The following ATAD1 variants were observed in gnomAD, a reference collection of about 807,000 sequenced individuals.
ATAD1 encodes the protein outer mitochondrial transmembrane helix translocase.
Under a neutral mutation model 42.7 loss-of-function variants are expected in ATAD1, and 18 were observed. The ratio of observed to expected loss-of-function variants is 0.42; its 90% CI spans 0.29 to 0.63. The LOEUF (loss-of-function observed/expected upper bound fraction) is 0.63. Among genes scored for constraint, ATAD1 ranks in the 20% least tolerant of loss-of-function variants. The probability of loss-of-function intolerance (pLI) is 0.19; values close to 1 mark genes in which losing one functional copy is unlikely to be tolerated. For synonymous variants in ATAD1, 132 were observed against 143.1 expected, an observed-to-expected ratio of 0.92 and a Z score of 0.55; for missense variants, 294 against 440.4, an observed-to-expected ratio of 0.67 and a Z score of 2.98.
chr10:87,757,362 T>C (rs1854274611), intron 8 of ATAD1, among the ~76,000 whole-genome samples: 1 of 152,124 alleles, frequency 6.6e-6, no homozygotes, highest in South Asian at 2.1e-4. Flanking sequence ...CACCTATACT[T>C]TTGCTCCTCA....
intron 7 of ATAD1, among the ~76,000 whole-genome samples, chr10:87,768,570 A>AT (rs1468980080): frequency 1.3e-5 from 2 of 152,244 alleles, no homozygotes; most frequent in East Asian, 3.8e-4. Context: ...ATCATATTAC[A>AT]TAAGAAAAAA....
intron 8 of ATAD1, among the ~76,000 whole-genome samples, chr10:87,762,275 T>C (rs1854515716): frequency 6.6e-6 from 1 of 152,198 alleles, no homozygotes; most frequent in African/African-American, 2.4e-5. Context: ...AATAACTGTA[T>C]TGGTTAACTT....
At position 87,754,787 on chromosome 10, in the gene ATAD1, C is replaced by T. The variant is rs748400385; in HGVS notation, c.986G>A (p.Arg329Gln). Reference protein sequence around the residue: ...SEESHDEDEIRPVQQQDLHRA... With the variant: ...SEESHDEDEIQPVQQQDLHRA... ...ATGCAGGTCCTGCTGTTGAACAGGC[C>T]GAATTTCATCTTCGTCATGGCTAAA... Residue 329 changes from arginine to glutamine, a missense_variant, in exon 10 of 10, where the codon CGG becomes CAG. Around this residue, in one of 3 missense-constraint regions of ATAD1, gnomAD observed 142 missense variants for 174.6 expected, o/e 0.81. Transcript: ENST00000680024. 5 of 1,612,558 alleles carry T rather than the reference C, an allele frequency of 3.1e-6. No homozygotes were observed. Among genetic ancestry groups the T allele is most frequent in the Non-Finnish European group, 2.5e-6 (3 of 1,179,144 alleles).
At chr10:87,823,091 TAA>T (rs879637993), upstream of ATAD1, among the ~76,000 whole-genome samples, 11 of 135,944 alleles carry the variant, frequency 8.1e-5, no homozygotes, top group Non-Finnish European at 8.1e-5. Context: ...AGAAGAGAAC[TAA>T]AAAAAAAAAA....
At chr10:87,780,829 G>A (rs994648706) in intron 5 of ATAD1, among the ~76,000 whole-genome samples, 1 of 152,254 alleles carries the variant, frequency 6.6e-6, no homozygotes, top group Middle Eastern at 3.4e-3. Context: ...TGCTTGGAAG[G>A]ATTAACACTC....
intron 5 of ATAD1, among the ~76,000 whole-genome samples, chr10:87,780,821 C>T (rs991655013): frequency 2.0e-5 from 3 of 152,090 alleles, no homozygotes; most frequent in Non-Finnish European, 4.4e-5. Flanking sequence ...AGCCAAGATG[C>T]TTGGAAGGAT....
At chr10:87,813,352 C>CT (rs60561376) in intron 2 of ATAD1, among the ~76,000 whole-genome samples, 1,486 of 139,350 alleles carry the variant, frequency 0.011, 12 homozygotes, top group Non-Finnish European at 0.012. Context: ...ACTAGTTTTT[C>CT]TTTTTTTTTT....
At position 87,752,491 on chromosome 10, in the gene ATAD1, A is replaced by T. The variant is rs548053320; in HGVS notation, c.*2196T>A. Reference sequence around the variant, plus strand: ...GCATTATTTTATTATCCAACCCTTTAAGATGAGTGCCACTGTTGCCCCATT... The same window carrying T: ...GCATTATTTTATTATCCAACCCTTTTAGATGAGTGCCACTGTTGCCCCATT... On this transcript the variant is annotated 3_prime_UTR_variant, in exon 10 of 10. Coordinates refer to ENST00000680024, the MANE Select transcript of ATAD1 (RefSeq NM_001321967.2). 6.6e-6 allele frequency: 1 copy of T among 152,306 alleles called. No homozygotes were observed. The highest frequency in any genetic ancestry group is 1.5e-5 in the Non-Finnish European group (1 of 68,016). 9.4% of individuals were successfully genotyped at this position (152,306 alleles called of 1,614,324 possible).
chr10:87,826,661 T>A (rs1222506783), intron 1 of ATAD1, among the ~76,000 whole-genome samples: 1 of 152,214 alleles, frequency 6.6e-6, no homozygotes, highest in Non-Finnish European at 1.5e-5. Context: ...CCTACTTATG[T>A]TACATAAACT....
intron 2 of ATAD1, among the ~76,000 whole-genome samples, chr10:87,806,622 T>A (rs1031035242): frequency 6.6e-6 from 1 of 152,200 alleles, no homozygotes; most frequent in African/African-American, 2.4e-5. Context: ...TTCATCTCAC[T>A]ATTTCTTAGA....
At chr10:87,798,849 T>TG (rs1243873928) in intron 2 of ATAD1, among the ~76,000 whole-genome samples, 1 of 152,066 alleles carries the variant, frequency 6.6e-6, no homozygotes, top group Non-Finnish European at 1.5e-5. Context: ...CCTAGGGTAG[T>TG]GAAAAAGGTT....
intron 3 of ATAD1, 36 bp downstream of exon 3, chr10:87,792,619 CCT>C: frequency 3.1e-6 from 4 of 1,289,412 alleles, no homozygotes; most frequent in Non-Finnish European, 4.5e-6. Context: ...CCCACCCCCA[CCT>C]CTAAAAAAAT....
intron 1 of ATAD1, among the ~76,000 whole-genome samples, chr10:87,826,277 T>C (rs1018124027): frequency 2.0e-5 from 3 of 152,186 alleles, no homozygotes; most frequent in African/African-American, 7.2e-5. Flanking sequence ...AACTTCAAAA[T>C]AGTATACCTG....
chr10:87,782,789 G>A (rs1335863912), intron 5 of ATAD1, among the ~76,000 whole-genome samples: 1 of 152,182 alleles, frequency 6.6e-6, no homozygotes, highest in African/African-American at 2.4e-5. Flanking sequence ...TGGACCCCAG[G>A]AGTTGGGGAC....
At chr10:87,836,513 T>C (rs1260723968) in intron 1 of ATAD1, among the ~76,000 whole-genome samples, 3 of 152,262 alleles carry the variant, frequency 2.0e-5, no homozygotes, top group African/African-American at 7.2e-5. Context: ...TACTTCATTC[T>C]AGCCTCCGTG....
intron 8 of ATAD1, among the ~76,000 whole-genome samples, chr10:87,766,797 T>G (rs1184169817): frequency 1.3e-5 from 2 of 150,326 alleles, no homozygotes; most frequent in Non-Finnish European, 3.0e-5. Context: ...GACTACAGAG[T>G]GACACTCTGC....
chr10:87,757,217 T>A (rs562764267), intron 8 of ATAD1, among the ~76,000 whole-genome samples: 6 of 151,222 alleles, frequency 4.0e-5, no homozygotes, highest in African/African-American at 1.5e-4. Flanking sequence ...GTGACATTTT[T>A]CTGTAATACA....
At chr10:87,805,177 CAA>C (rs1022559706) in intron 2 of ATAD1, among the ~76,000 whole-genome samples, 1 of 152,148 alleles carries the variant, frequency 6.6e-6, no homozygotes, top group Non-Finnish European at 1.5e-5. Context: ...ATTCTGACCA[CAA>C]AAGTCACACC....
rs1281032089 is a variant in ATAD1, at chr10:87,751,897, C to A, written c.*2790G>T. On this transcript the variant is annotated 3_prime_UTR_variant, in exon 10 of 10. Transcript: ENST00000680024. The stretch of plus-strand genomic sequence containing the variant: ...TCTTTATCCAGAAGAAATCTGTTAA[C>A]ATTTTCCCAAAATAACAATTCAAGT... 1.3e-5 allele frequency: 2 copies of A among 152,170 alleles called. No individual in the cohort carries two copies. The highest frequency in any genetic ancestry group is 2.9e-5 in the Non-Finnish European group (2 of 68,010). 9.4% of individuals were successfully genotyped at this position (152,170 alleles called of 1,614,324 possible).
Sources: allele counts gnomAD v4.1 joint callset (sites outside exome capture counted in the v4.1 genomes callset), GRCh38; gene constraint gnomAD v4.1.1; regional missense constraint gnomAD v4.1.1; transcripts MANE v1.5; gene names NCBI Gene and HGNC (gene_info 2026-07-23, HGNC 2026-07-21).